Variants in PTPRD observed in about 807,000 individuals in gnomAD.
PTPRD encodes protein tyrosine phosphatase receptor type D.
In PTPRD, 34 loss-of-function variants were observed where a neutral mutation model predicts 214.5. The ratio of observed to expected loss-of-function variants is 0.16; its 90% CI spans 0.12 to 0.21. The LOEUF is 0.21. Ranked by LOEUF, PTPRD falls within the 10% of genes least tolerant of loss-of-function variation. The pLI is 1.00. For synonymous variants in PTPRD, 1,128 were observed against 845.7 expected, an observed-to-expected ratio of 1.33 and a Z score of -5.79; for missense variants, 2,545 against 2,398.7, an observed-to-expected ratio of 1.06 and a Z score of -1.27.
intron 5 of PTPRD, among the ~76,000 whole-genome samples, chr9:9,801,821 T>G (rs188052731): frequency 6.6e-6 from 1 of 152,200 alleles, no homozygotes; most frequent in African/African-American, 2.4e-5. Flanking sequence ...ATCCGTTGTC[T>G]ATAAATCAGA....
intron 14 of PTPRD, among the ~76,000 whole-genome samples, chr9:8,579,763 C>T (rs1158556062): frequency 6.6e-6 from 1 of 152,044 alleles, no homozygotes; most frequent in Non-Finnish European, 1.5e-5. Context: ...AAACAGAGAC[C>T]AGGAAATTAA....
At chr9:10,242,947 G>C (rs1285639601) in intron 3 of PTPRD, among the ~76,000 whole-genome samples, 2 of 151,720 alleles carry the variant, frequency 1.3e-5, no homozygotes, top group African/African-American at 4.8e-5. Flanking sequence ...GAGGGAGAGA[G>C]AGAGAGAGAG....
intron 14 of PTPRD, among the ~76,000 whole-genome samples, chr9:8,584,493 C>T (rs1041709516): frequency 1.3e-5 from 2 of 151,702 alleles, no homozygotes; most frequent in Non-Finnish European, 2.9e-5. Context: ...TATGTTTTTA[C>T]TTATTATGCC....
intron 3 of PTPRD, among the ~76,000 whole-genome samples, chr9:10,317,899 C>T (rs2096473546): frequency 6.6e-6 from 1 of 151,916 alleles, no homozygotes; most frequent in Non-Finnish European, 1.5e-5. Flanking sequence ...TTAAGGTATC[C>T]TAAATTCCAG....
intron 10 of PTPRD, among the ~76,000 whole-genome samples, chr9:9,140,803 C>G (rs1315836149): frequency 6.6e-6 from 1 of 152,170 alleles, no homozygotes; most frequent in Non-Finnish European, 1.5e-5. Context: ...TGGTCTCGAT[C>G]TCCTGACCTC....
chr9:9,708,082 G>A (rs769913636), intron 7 of PTPRD, among the ~76,000 whole-genome samples: 3 of 151,998 alleles, frequency 2.0e-5, no homozygotes, highest in Admixed American at 6.6e-5. Flanking sequence ...AGATGTCTCC[G>A]TAAGAACTGG....
intron 41 of PTPRD, 80 bp from the exon 42 acceptor site, chr9:8,340,549 A>G (rs1477348515): frequency 7.3e-7 from 1 of 1,373,448 alleles, no homozygotes; most frequent in East Asian, 2.4e-5. Context: ...ATAAACATCA[A>G]CCTGCTAATA....
intron 34 of PTPRD, among the ~76,000 whole-genome samples, chr9:8,443,290 T>C (rs2095610231): frequency 6.6e-6 from 1 of 152,216 alleles, no homozygotes; most frequent in South Asian, 2.1e-4. Flanking sequence ...CTAGGTCATA[T>C]GCCTAAATTC....
At chr9:9,956,563 T>C (rs2093948540) in intron 4 of PTPRD, among the ~76,000 whole-genome samples, 1 of 152,140 alleles carries the variant, frequency 6.6e-6, no homozygotes, top group Non-Finnish European at 1.5e-5. Flanking sequence ...TACATATGTT[T>C]TGTTATGTGG....
chr9:8,940,697 T>C (rs2099028174), intron 11 of PTPRD, among the ~76,000 whole-genome samples: 1 of 152,084 alleles, frequency 6.6e-6, no homozygotes. Context: ...GTTGACCTGC[T>C]GGTTGGAGAC....
chr9:10,062,687 C>T, intron 3 of PTPRD, among the ~76,000 whole-genome samples: 1 of 146,378 alleles, frequency 6.8e-6, no homozygotes, highest in East Asian at 2.0e-4. Flanking sequence ...GGGAGAGGTA[C>T]CCTACTTAGG....
At chr9:10,300,198 A>G (rs908297073) in intron 3 of PTPRD, among the ~76,000 whole-genome samples, 1 of 152,208 alleles carries the variant, frequency 6.6e-6, no homozygotes, top group African/African-American at 2.4e-5. Flanking sequence ...GTTTATAGTT[A>G]AAATTCTAAT....
At chr9:9,940,341 T>G (rs946582270) in intron 4 of PTPRD, among the ~76,000 whole-genome samples, 1 of 152,120 alleles carries the variant, frequency 6.6e-6, no homozygotes. Flanking sequence ...GGGACAAACC[T>G]CACTGGAAGC....
intron 34 of PTPRD, among the ~76,000 whole-genome samples, chr9:8,446,820 A>C (rs2095748586): frequency 6.6e-6 from 1 of 152,204 alleles, no homozygotes; most frequent in Non-Finnish European, 1.5e-5. Flanking sequence ...TATCCAAGAA[A>C]ACCCTTGATT....
chr9:10,435,015 C>T (rs1038226175), intron 2 of PTPRD, among the ~76,000 whole-genome samples: 5 of 151,798 alleles, frequency 3.3e-5, no homozygotes, highest in East Asian at 1.9e-4. Flanking sequence ...AGAGCAAATA[C>T]GAAACACTAA....
At chr9:8,760,929 C>G (rs181522554) in intron 11 of PTPRD, among the ~76,000 whole-genome samples, 1 of 152,046 alleles carries the variant, frequency 6.6e-6, no homozygotes, top group African/African-American at 2.4e-5. Flanking sequence ...TTTCTAGTGC[C>G]TACTGCATAA....
intron 32 of PTPRD, among the ~76,000 whole-genome samples, chr9:8,464,104 A>G (rs575764555): frequency 6.6e-6 from 1 of 152,042 alleles, no homozygotes; most frequent in East Asian, 1.9e-4. Flanking sequence ...GACACATTTA[A>G]AACACTAGCG....
At chr9:9,671,570 G>C (rs1230387861) in intron 7 of PTPRD, among the ~76,000 whole-genome samples, 1 of 152,056 alleles carries the variant, frequency 6.6e-6, no homozygotes, top group Non-Finnish European at 1.5e-5. Context: ...TTCTTGAATT[G>C]TACTCCTATA....
At chr9:9,263,940 T>C (rs534342580) in intron 9 of PTPRD, among the ~76,000 whole-genome samples, 2 of 151,620 alleles carry the variant, frequency 1.3e-5, no homozygotes, top group African/African-American at 4.8e-5. Context: ...TAAAGAATAG[T>C]TTCCCAAGAA....
Sources: gnomAD v4.1 joint callset for allele counts (sites outside exome capture counted in the v4.1 genomes callset) on GRCh38, gnomAD v4.1.1 for gene constraint, MANE v1.5 for transcripts, NCBI Gene and HGNC (gene_info 2026-07-23, HGNC 2026-07-21) for gene names.